The following ZFAND3 variants were observed in gnomAD, a reference collection of about 807,000 sequenced individuals.
ZFAND3 encodes the protein AN1-type zinc finger protein 3.
Under a neutral mutation model 29.6 loss-of-function variants are expected in ZFAND3, and 10 were observed. The ratio of observed to expected loss-of-function variants is 0.34; its 90% confidence interval spans 0.21 to 0.57. ZFAND3 has a LOEUF of 0.57. ZFAND3 is among the 20% of genes least tolerant of loss of function. ZFAND3 has a pLI of 0.86. For missense variants in ZFAND3, 230 were observed against 304.5 expected, an observed-to-expected ratio of 0.76 and a Z score of 1.82; for synonymous variants, 128 against 112.6, an observed-to-expected ratio of 1.14 and a Z score of -0.87.
At chr6:37,985,499 C>CACACACACACA (rs1762651601) in intron 2 of ZFAND3, among the ~76,000 whole-genome samples, 1 of 141,596 alleles carries the variant, frequency 7.1e-6, no homozygotes, top group Non-Finnish European at 1.5e-5. Flanking sequence ...GCTTGTGGTT[C>CACACACACACA]CACACACACA....
intron 2 of ZFAND3, among the ~76,000 whole-genome samples, chr6:37,982,420 G>A (rs1424281694): frequency 5.9e-5 from 9 of 152,102 alleles, no homozygotes; most frequent in Admixed American, 1.3e-4. Context: ...CAGCCTTCTA[G>A]AGGGTGAAAG....
intron 3 of ZFAND3, among the ~76,000 whole-genome samples, chr6:38,065,240 C>T (rs909476044): frequency 3.3e-5 from 5 of 151,486 alleles, no homozygotes; most frequent in South Asian, 2.1e-4. Context: ...CGCTTGAACC[C>T]GGGAGGTGAG....
chr6:37,850,599 G>A (rs912423240), intron 1 of ZFAND3, among the ~76,000 whole-genome samples: 3 of 152,130 alleles, frequency 2.0e-5, no homozygotes, highest in Admixed American at 6.5e-5. Flanking sequence ...GTACAGTAAC[G>A]TGCTGGTTTG....
chr6:37,859,883 T>G (rs1447823338), intron 1 of ZFAND3, among the ~76,000 whole-genome samples: 1 of 150,312 alleles, frequency 6.7e-6, no homozygotes, highest in Non-Finnish European at 1.5e-5. Flanking sequence ...TTTTCTTTCT[T>G]TTTTTGAGAT....
At position 37,884,617 on chromosome 6, in the gene ZFAND3, C is replaced by G. The variant is rs542188175; in HGVS notation, c.72-45342C>G. 2.1e-5 allele frequency among the ~76,000 whole-genome samples: 3 copies of G among 143,258 alleles called. 1 individual carries two copies. The highest frequency in any genetic ancestry group is 8.5e-5 in the African/African-American group (3 of 35,226). 94.0% of individuals were successfully genotyped at this position (143,258 alleles called of 152,430 possible). A position where few individuals can be genotyped will look rare whatever the true frequency, so the allele number is the denominator to read the frequency against. Reference sequence around the variant, plus strand: ...CAGACCAAAATACCAATGAAATACTCTAGACCAAAAGGCCAAATGAAAATC... The same window carrying G: ...CAGACCAAAATACCAATGAAATACTGTAGACCAAAAGGCCAAATGAAAATC... On this transcript the variant is annotated intron_variant, in intron 1 of 5. Coordinates refer to ENST00000287218, the MANE Select transcript of ZFAND3 (RefSeq NM_021943.3).
intron 2 of ZFAND3, among the ~76,000 whole-genome samples, chr6:38,014,055 C>CT (rs1763209742): frequency 6.6e-6 from 1 of 152,134 alleles, no homozygotes; most frequent in Admixed American, 6.5e-5. Flanking sequence ...ATTTGTCCAA[C>CT]TTACTCTCAA....
At chr6:37,841,736 G>GC (rs547644207) in intron 1 of ZFAND3, among the ~76,000 whole-genome samples, 6 of 152,120 alleles carry the variant, frequency 3.9e-5, no homozygotes, top group African/African-American at 1.2e-4. Flanking sequence ...ACCAGCCTCG[G>GC]CCCCCCAAAG....
In ZFAND3 at chr6:37,988,910, A is replaced by T. The variant is rs554909784; in HGVS notation, c.112+58911A>T. ...ATTCATTCCACAAATATTTAGCTGA[A>T]TTTTTTTTTTTTGAGACAGAGTCTT... On this transcript the variant is annotated intron_variant, in intron 2 of 5. Coordinates refer to ENST00000287218, the MANE Select transcript of ZFAND3 (RefSeq NM_021943.3). 1.0e-2 allele frequency among the ~76,000 whole-genome samples: 1,460 copies of T among 146,374 alleles called. 11 individuals carry two copies. The highest frequency in any genetic ancestry group is 0.015 in the Non-Finnish European group (1,012 of 66,086).
chr6:38,044,922 C>G (rs745712459), intron 2 of ZFAND3, among the ~76,000 whole-genome samples: 18 of 152,034 alleles, frequency 1.2e-4, no homozygotes, highest in Admixed American at 3.3e-4. Flanking sequence ...TAGCTAGCCT[C>G]CAAAGCGTCT....
chr6:37,982,489 A>G (rs1581811692), intron 2 of ZFAND3, among the ~76,000 whole-genome samples: 1 of 152,312 alleles, frequency 6.6e-6, no homozygotes, highest in East Asian at 1.9e-4. Context: ...CACATATGCA[A>G]CAGTGGTCCC....
chr6:38,132,464 GTCCCTGCAC>G (rs1376594767), intron 5 of ZFAND3, among the ~76,000 whole-genome samples: 2 of 152,212 alleles, frequency 1.3e-5, no homozygotes, highest in Non-Finnish European at 2.9e-5. Flanking sequence ...CTGTGATCAT[GTCCCTGCAC>G]TCCAGCCAGG....
At chr6:37,960,595 C>T (rs1426050553) in intron 2 of ZFAND3, among the ~76,000 whole-genome samples, 2 of 152,084 alleles carry the variant, frequency 1.3e-5, no homozygotes, top group Admixed American at 6.6e-5. Context: ...TAGCTACCTT[C>T]GCATTTGTGT....
At chr6:37,866,750 TAAAG>T (rs142925675) in intron 1 of ZFAND3, among the ~76,000 whole-genome samples, 18,725 of 152,070 alleles carry the variant, frequency 0.12, 1,808 homozygotes, top group African/African-American at 0.27. Context: ...CTGTGTCACT[TAAAG>T]AAAAGAGGTT....
At chr6:38,135,724 A>G (rs1288539745) in intron 5 of ZFAND3, among the ~76,000 whole-genome samples, 11 of 152,094 alleles carry the variant, frequency 7.2e-5, no homozygotes, top group African/African-American at 2.7e-4. Context: ...CAGCCTGGGC[A>G]ACAGAGCAAG....
In ZFAND3 at chr6:37,936,667, TGTG is replaced by T. The variant is rs539209034; in HGVS notation, c.112+6671_112+6673del. On this transcript the variant is annotated intron_variant, in intron 2 of 5. Transcript: ENST00000287218. Reference sequence around the variant, plus strand: ...TGGAAGATGACATGAAAAATTTAATTGTGGTAGTCTCAGAGTAAGAGTAATTGG... The same window carrying T: ...TGGAAGATGACATGAAAAATTTAATTGTAGTCTCAGAGTAAGAGTAATTGG... Among the ~76,000 whole-genome samples the T allele has an allele frequency of 2.0e-5, 3 of 152,318 alleles. No homozygotes were observed. In the South Asian group the frequency reaches 6.2e-4, roughly 32 times the overall value.
At chr6:38,105,753 A>C (rs913733965) in intron 4 of ZFAND3, among the ~76,000 whole-genome samples, 1 of 152,234 alleles carries the variant, frequency 6.6e-6, no homozygotes, top group African/African-American at 2.4e-5. Context: ...TCTTGTAACT[A>C]CATGGGAACC....
intron 1 of ZFAND3, among the ~76,000 whole-genome samples, chr6:37,874,542 C>CT (rs1224844086): frequency 2.0e-5 from 3 of 150,834 alleles, no homozygotes; most frequent in East Asian, 1.9e-4. Flanking sequence ...AAAAAATTCC[C>CT]TTTTTTACAA....
At chr6:38,101,590 A>C (rs112462494) in intron 4 of ZFAND3, among the ~76,000 whole-genome samples, 10,380 of 152,064 alleles carry the variant, frequency 0.068, 427 homozygotes, top group Non-Finnish European at 0.087. Context: ...CCTGGCCAAC[A>C]TGGTGAAACC....
At chr6:37,988,277 C>T (rs1255126228) in intron 2 of ZFAND3, among the ~76,000 whole-genome samples, 1 of 152,186 alleles carries the variant, frequency 6.6e-6, no homozygotes, top group Admixed American at 6.5e-5. Flanking sequence ...TGTATCACTG[C>T]ATATGAACTT....
Sources: gnomAD v4.1 joint callset for allele counts (sites outside exome capture counted in the v4.1 genomes callset) on GRCh38, gnomAD v4.1.1 for gene constraint, MANE v1.5 for transcripts, NCBI Gene and HGNC (gene_info 2026-07-23, HGNC 2026-07-21) for gene names.